Variants in CRLF3 observed in about 807,000 individuals in gnomAD.
CRLF3 encodes the protein cytokine receptor-like factor 3.
CRLF3 carries 33 observed loss-of-function variants against 55.0 expected under a neutral mutation model. The observed-to-expected ratio is 0.60, with a 90% CI of 0.46 to 0.80. The LOEUF (loss-of-function observed/expected upper bound fraction) is 0.80. Ranked by LOEUF, CRLF3 falls within the 30% of genes least tolerant of loss-of-function variation. The probability of loss-of-function intolerance (pLI) is 0.00; values close to 1 mark genes in which losing one functional copy is unlikely to be tolerated. For missense variants in CRLF3, 494 were observed against 538.4 expected, an observed-to-expected ratio of 0.92 and a Z score of 0.82; for synonymous variants, 238 against 196.8, an observed-to-expected ratio of 1.21 and a Z score of -1.75.
At position 30,793,556 on chromosome 17, in the gene CRLF3, G is replaced by T. The variant is rs372927332; in HGVS notation, c.720C>A (p.Asp240Glu). Residue 240 changes from aspartate to glutamate, a missense_variant, in exon 5 of 8, where the codon GAC becomes GAA. Asp to Glu is a conservative substitution (Grantham distance 45). Coordinates refer to ENST00000324238, the MANE Select transcript of CRLF3 (RefSeq NM_015986.4). ...SETEFIVLHI[D>E]PNVDYQFRVC... ...CTCTGAACTGGTAATCAACGTTGGGGTCTATGTGCAATACTATGAATTCAG... is the reference window on the plus strand; with the variant it reads ...CTCTGAACTGGTAATCAACGTTGGGTTCTATGTGCAATACTATGAATTCAG... The T allele has an allele frequency of 1.2e-6, 2 of 1,613,948 alleles. No homozygotes were observed. Among genetic ancestry groups the T allele is most frequent in the African/African-American group, 1.3e-5 (1 of 74,902 alleles).
At chr17:30,795,496 CA>C (rs540173272) in intron 4 of CRLF3, among the ~76,000 whole-genome samples, 11,318 of 100,424 alleles carry the variant, frequency 0.11, 1,271 homozygotes, top group African/African-American at 0.33. Context: ...AACTCTGTCT[CA>C]AAAAAAAAAA....
At chr17:30,808,279 T>A (rs1294217224) in intron 1 of CRLF3, among the ~76,000 whole-genome samples, 8 of 3,144 alleles carry the variant, frequency 2.5e-3, no homozygotes, top group East Asian at 8.1e-3. Flanking sequence ...GAACCTATAT[T>A]TTTTTTTTTT....
chr17:30,797,496 AT>A, intron 2 of CRLF3, 98 bp from the exon 3 acceptor site: 1 of 941,478 alleles, frequency 1.1e-6, no homozygotes, highest in South Asian at 1.4e-5. Context: ...GTTCTTGCAA[AT>A]AAGTTCTTAA....
rs1005541016 is a variant in CRLF3, at chr17:30,784,027, A to T, written c.*160T>A. 2.3e-5 allele frequency: 14 copies of T among 621,536 alleles called. No individual in the cohort carries two copies. The African/African-American group carries it at 2.4e-4, about 11-fold the overall frequency. The allele number at this position is 621,536 out of a possible 1,614,324, so 38.5% of individuals were successfully genotyped here. ...TGTATGATTTTGTCCACAACATTGA[A>T]GTCTCTTTTTGCTAAAATATTACAA... On this transcript the variant is annotated 3_prime_UTR_variant, in exon 8 of 8. Transcript: ENST00000324238.
chr17:30,795,010 A>G (rs978722058), intron 4 of CRLF3, among the ~76,000 whole-genome samples: 2 of 152,194 alleles, frequency 1.3e-5, no homozygotes, highest in African/African-American at 2.4e-5. Flanking sequence ...ACCTAGGTAA[A>G]TATTAATATT....
At chr17:30,814,609 A>T (rs1298321337) in intron 1 of CRLF3, among the ~76,000 whole-genome samples, 4 of 151,714 alleles carry the variant, frequency 2.6e-5, no homozygotes, top group Non-Finnish European at 5.9e-5. Context: ...CTGAGCTGAG[A>T]TCGTGCCACT....
At chr17:30,819,818 G>T (rs897343148) in intron 1 of CRLF3, among the ~76,000 whole-genome samples, 37 of 152,166 alleles carry the variant, frequency 2.4e-4, no homozygotes, top group Admixed American at 4.6e-4. Flanking sequence ...TACTTGTTTT[G>T]TTTTTAGGGG....
intron 1 of CRLF3, among the ~76,000 whole-genome samples, chr17:30,805,897 C>T (rs142212656): frequency 6.6e-6 from 1 of 152,026 alleles, no homozygotes; most frequent in African/African-American, 2.4e-5. Context: ...GTGGCACATG[C>T]CTGTAGTCCC....
intron 1 of CRLF3, among the ~76,000 whole-genome samples, chr17:30,807,367 C>A (rs1259617770): frequency 6.6e-6 from 1 of 151,618 alleles, no homozygotes; most frequent in Non-Finnish European, 1.5e-5. Flanking sequence ...TCTCTAAATT[C>A]TCTCTAAATT....
chr17:30,784,456 G>A lies in CRLF3; in HGVS notation c.1073-13C>T, dbSNP rs780082061. ...ACAAAAACTGCACCTAAAATGTTAAGGTAAAGAGTCATTTACATGTGAGCA... is the reference window on the plus strand; with the variant it reads ...ACAAAAACTGCACCTAAAATGTTAAAGTAAAGAGTCATTTACATGTGAGCA... On this transcript the variant is annotated splice_polypyrimidine_tract_variant and intron_variant, in intron 7 of 7. Transcript: ENST00000324238. The A allele has an allele frequency of 1.2e-6, 2 of 1,602,268 alleles. No individual in the cohort carries two copies. The highest frequency in any genetic ancestry group is 1.7e-6 in the Non-Finnish European group (2 of 1,170,262).
chr17:30,824,656 C>T lies in CRLF3; in HGVS notation c.-5G>A. On this transcript the variant is annotated 5_prime_UTR_variant, in exon 1 of 8. Transcript: ENST00000324238. ...CAGCTCCATCGCCCCCCTCATCTGG[C>T]CGCGCGGCCGGCGAAACCTAGCGCG... The T allele has an allele frequency of 6.3e-7, 1 of 1,587,742 alleles. No homozygotes were observed.
At chr17:30,808,115 T>C (rs1904476779) in intron 1 of CRLF3, among the ~76,000 whole-genome samples, 4 of 152,114 alleles carry the variant, frequency 2.6e-5, no homozygotes. Flanking sequence ...GTTAATCATG[T>C]GTGTTTCAAA....
In CRLF3 at chr17:30,816,625, G is replaced by A. The variant is rs536840810; in HGVS notation, c.129+7898C>T. ...TCACCTTTGCCTCCCGAGTAGCTGGGACCACAGGCATGCACCACCACACCT... is the reference window on the plus strand; with the variant it reads ...TCACCTTTGCCTCCCGAGTAGCTGGAACCACAGGCATGCACCACCACACCT... On this transcript the variant is annotated intron_variant, in intron 1 of 7. Coordinates refer to ENST00000324238, the MANE Select transcript of CRLF3 (RefSeq NM_015986.4). 1.2e-3 allele frequency among the ~76,000 whole-genome samples: 176 copies of A among 151,648 alleles called. 3 individuals carry two copies. Among genetic ancestry groups the A allele is most frequent in the Admixed American group, 9.2e-3 (140 of 15,170 alleles).
chr17:30,823,085 C>T (rs576025439), intron 1 of CRLF3, among the ~76,000 whole-genome samples: 1 of 150,796 alleles, frequency 6.6e-6, no homozygotes, highest in African/African-American at 2.4e-5. Flanking sequence ...TAAAACCCGG[C>T]CGGGCGCGGT....
chr17:30,786,688 G>GACT (rs1692798159), intron 6 of CRLF3: 1 of 126,428 alleles, frequency 7.9e-6, no homozygotes, highest in African/African-American at 4.1e-5. Context: ...TCTGACTCTA[G>GACT]AATCAATCAA....
chr17:30,808,452 T>C (rs1195892080), intron 1 of CRLF3, among the ~76,000 whole-genome samples: 1 of 151,440 alleles, frequency 6.6e-6, no homozygotes, highest in African/African-American at 2.4e-5. Context: ...CATGCCTGGC[T>C]AATTTTTGTA....
intron 6 of CRLF3, among the ~76,000 whole-genome samples, chr17:30,788,850 C>T (rs1363724712): frequency 6.6e-6 from 1 of 152,014 alleles, no homozygotes; most frequent in Non-Finnish European, 1.5e-5. Flanking sequence ...TCGTGATCTG[C>T]CCACCTCAGC....
chr17:30,799,088 A>G (rs929391461), intron 2 of CRLF3, among the ~76,000 whole-genome samples: 1 of 152,072 alleles, frequency 6.6e-6, no homozygotes, highest in African/African-American at 2.4e-5. Flanking sequence ...CCTGGCCAAC[A>G]TGGTGAAACT....
intron 6 of CRLF3, among the ~76,000 whole-genome samples, chr17:30,792,111 G>T (rs1198601990): frequency 1.3e-5 from 2 of 152,176 alleles, no homozygotes; most frequent in South Asian, 2.1e-4. Flanking sequence ...GCCTACCAAA[G>T]TGCTGGGGTT....
Sources: allele counts gnomAD v4.1 joint callset (sites outside exome capture counted in the v4.1 genomes callset), GRCh38; gene constraint gnomAD v4.1.1; transcripts MANE v1.5; gene names NCBI Gene and HGNC (gene_info 2026-07-23, HGNC 2026-07-21).